The following GALNT2 variants were observed in gnomAD, a reference collection of about 807,000 sequenced individuals.
GALNT2 encodes the protein polypeptide N-acetylgalactosaminyltransferase 2, also known as UDP-GalNAc:polypeptide N-acetylgalactosaminyltransferase 2.
In GALNT2, 31 loss-of-function variants were observed where a neutral mutation model predicts 81.4. That is an observed-to-expected ratio of 0.38 (90% CI 0.29 to 0.51). The LOEUF (loss-of-function observed/expected upper bound fraction) is 0.51, where lower values mean the gene tolerates loss of function less well. GALNT2 is among the 20% of genes least tolerant of loss of function. The pLI is 0.87. For missense variants in GALNT2, 629 were observed against 765.7 expected (o/e 0.82, Z 2.11); for synonymous variants, 303 against 287.4 (o/e 1.05, Z -0.55).
At chr1:230,258,204 C>T (rs9431812) in intron 11 of GALNT2, among the ~76,000 whole-genome samples, 2,547 of 151,918 alleles carry the variant, frequency 0.017, 64 homozygotes, top group African/African-American at 0.059. Flanking sequence ...CGTGAGCCAC[C>T]GTGCCCAGCC....
At chr1:230,174,710 A>C (rs901278556) in intron 1 of GALNT2, among the ~76,000 whole-genome samples, 1 of 151,862 alleles carries the variant, frequency 6.6e-6, no homozygotes, top group African/African-American at 2.4e-5. Context: ...CCATTGCTGC[A>C]TTACTGAAAT....
At chr1:230,144,646 G>A (rs1214049063) in intron 1 of GALNT2, among the ~76,000 whole-genome samples, 1 of 152,178 alleles carries the variant, frequency 6.6e-6, no homozygotes, top group African/African-American at 2.4e-5. Flanking sequence ...TTATGCCTGT[G>A]TGTGTGTGGT....
intron 1 of GALNT2, among the ~76,000 whole-genome samples, chr1:230,108,462 A>G (rs1660606063): frequency 6.6e-6 from 1 of 152,174 alleles, no homozygotes; most frequent in African/African-American, 2.4e-5. Flanking sequence ...GGTATTTTCA[A>G]CTTACAGTGG....
At chr1:230,186,317 TC>T (rs1459022812) in intron 2 of GALNT2, among the ~76,000 whole-genome samples, 2 of 152,146 alleles carry the variant, frequency 1.3e-5, no homozygotes, top group Non-Finnish European at 2.9e-5. Context: ...TGTCACTGTC[TC>T]CTCCAGGAAC....
At chr1:230,214,970 GA>G (rs2102717033) in intron 3 of GALNT2, among the ~76,000 whole-genome samples, 1 of 152,260 alleles carries the variant, frequency 6.6e-6, no homozygotes, top group African/African-American at 2.4e-5. Context: ...AATAAATACC[GA>G]GATATTTCAG....
chr1:230,119,817 GTTA>G (rs1660958908), intron 1 of GALNT2, among the ~76,000 whole-genome samples: 2 of 152,140 alleles, frequency 1.3e-5, no homozygotes, highest in Non-Finnish European at 1.5e-5. Context: ...GCTTATTCCA[GTTA>G]TTATTATTAG....
At chr1:230,160,086 A>G (rs1330858847) in intron 1 of GALNT2, among the ~76,000 whole-genome samples, 1 of 152,156 alleles carries the variant, frequency 6.6e-6, no homozygotes. Context: ...ATCCTTCTCC[A>G]GGATGACCAC....
intron 1 of GALNT2, among the ~76,000 whole-genome samples, chr1:230,071,702 A>G (rs945106810): frequency 6.6e-6 from 1 of 152,194 alleles, no homozygotes; most frequent in Non-Finnish European, 1.5e-5. Flanking sequence ...GAGTTTAAAG[A>G]AAGTCCACTT....
chr1:230,090,118 G>T (rs888412545), intron 1 of GALNT2, among the ~76,000 whole-genome samples: 3 of 152,162 alleles, frequency 2.0e-5, no homozygotes, highest in Non-Finnish European at 4.4e-5. Flanking sequence ...TTGTGATTTT[G>T]ATTATCATCT....
chr1:230,210,340 C>T (rs950498945), intron 3 of GALNT2, among the ~76,000 whole-genome samples: 23 of 152,236 alleles, frequency 1.5e-4, no homozygotes, highest in African/African-American at 5.3e-4. Flanking sequence ...AACTAGACAC[C>T]GTTCCTTTTG....
intron 11 of GALNT2, chr1:230,259,162 C>T (rs576215959): frequency 1.3e-5 from 2 of 152,288 alleles, no homozygotes; most frequent in East Asian, 3.9e-4. Context: ...TCTTAATCTC[C>T]TATACAGGTT....
upstream of GALNT2, chr1:230,067,167 C>T: frequency 2.0e-6 from 1 of 511,882 alleles, no homozygotes; most frequent in Non-Finnish European, 2.7e-6. Context: ...GAGGAGGAGC[C>T]GCCGCCGCGC....
At chr1:230,278,360 A>G (rs1666352182) in intron 15 of GALNT2, among the ~76,000 whole-genome samples, 1 of 152,034 alleles carries the variant, frequency 6.6e-6, no homozygotes, top group South Asian at 2.1e-4. Flanking sequence ...CCTGGCCTCA[A>G]GCGATCTTCC....
chr1:230,081,414 G>C (rs1659724697), intron 1 of GALNT2, among the ~76,000 whole-genome samples: 2 of 152,094 alleles, frequency 1.3e-5, no homozygotes, highest in Admixed American at 1.3e-4. Flanking sequence ...TTAAGTGCGT[G>C]CTGTTTAATT....
rs181562695 is a variant in GALNT2 at position 230,218,580 on chromosome 1, A to G, written c.374+15290A>G. 7.2e-5 allele frequency among the ~76,000 whole-genome samples: 11 copies of G among 152,338 alleles called. No homozygotes were observed. The East Asian group carries it at 2.1e-3, about 29-fold the overall frequency. On this transcript the variant is annotated intron_variant, in intron 3 of 15. Coordinates refer to ENST00000366672, the MANE Select transcript of GALNT2 (RefSeq NM_004481.5). ...TGCTATTCAGGAAGCATTGCTGGAA[A>G]GATTAGGAGGGAAGTTTTCATCCAA...
intron 2 of GALNT2, among the ~76,000 whole-genome samples, chr1:230,194,097 G>A (rs1663613417): frequency 1.3e-5 from 2 of 152,228 alleles, no homozygotes; most frequent in East Asian, 3.8e-4. Context: ...TGGTGGATGG[G>A]TTACGGGAGG....
rs970980031 is a variant in GALNT2, at chr1:230,271,143, C to G, written c.1441-3302C>G. On this transcript the variant is annotated intron_variant, in intron 14 of 15. Transcript: ENST00000366672. The surrounding 1 kb of genome is among the most constrained non-coding windows in gnomAD (Gnocchi z 4.2). ...TCCTCTTCACTGTGAGTGGGCGTCT[C>G]TGTGTACCACAGTTTCACACATCCT... Among the ~76,000 whole-genome samples the G allele has an allele frequency of 2.0e-5, 3 of 152,240 alleles. No individual in the cohort carries two copies. Among genetic ancestry groups the G allele is most frequent in the Non-Finnish European group, 4.4e-5 (3 of 68,040 alleles).
chr1:230,260,828 G>T (rs890805874), intron 11 of GALNT2, among the ~76,000 whole-genome samples: 5 of 152,122 alleles, frequency 3.3e-5, no homozygotes, highest in Admixed American at 2.6e-4. Flanking sequence ...CACCAAACCA[G>T]TTGTGCCATA....
chr1:230,114,727 G>C (rs1660796237), intron 1 of GALNT2, among the ~76,000 whole-genome samples: 1 of 152,228 alleles, frequency 6.6e-6, no homozygotes, highest in South Asian at 2.1e-4. Context: ...TGAGCTCTTG[G>C]ATCTTGGTGC....
Sources: gnomAD v4.1 joint callset for allele counts (sites outside exome capture counted in the v4.1 genomes callset) on GRCh38, gnomAD v4.1.1 for gene constraint, Gnocchi (gnomAD v3.1) non-coding constraint, MANE v1.5 for transcripts, NCBI Gene and HGNC (gene_info 2026-07-23, HGNC 2026-07-21) for gene names.